SYNE1: variants seen among roughly 807,000 people sequenced by gnomAD.
The protein encoded by SYNE1 is spectrin repeat containing nuclear envelope protein 1, also known as nesprin-1.
SYNE1 carries 616 observed loss-of-function variants against 1,111.0 expected under a neutral mutation model. That is an observed-to-expected ratio of 0.55 (90% CI 0.52 to 0.59). The LOEUF is 0.59. Ranked by LOEUF, SYNE1 falls within the 20% of genes least tolerant of loss-of-function variation. The pLI, the probability that SYNE1 is intolerant of heterozygous loss-of-function variation, is 0.00. For synonymous variants in SYNE1, 3,855 were observed against 3,825.8 expected, an observed-to-expected ratio of 1.01 and a Z score of -0.28; for missense variants, 10,006 against 10,417.0, an observed-to-expected ratio of 0.96 and a Z score of 1.72.
chr6:152,462,815 T>C lies in SYNE1; in HGVS notation c.2173A>G (p.Thr725Ala). ...TCAGAAAGTTTCTTATGGGCTTCCG[T>C]TGCAAAAGCAGACAGGGTAACAACA... ...DCVVTLSAFATEAHKKLSEPL... is the reference protein window; with the variant it reads ...DCVVTLSAFAAEAHKKLSEPL... Residue 725 changes from threonine (T) to alanine (A), a missense_variant, in exon 20 of 146, where the codon ACG becomes GCG. By Grantham distance (58) the Thr-to-Ala change is moderately conservative. Transcript: ENST00000367255. 7 of 1,614,040 alleles carry C rather than the reference T, an allele frequency of 4.3e-6. No homozygotes were observed. The highest frequency in any genetic ancestry group is 5.1e-6 in the Non-Finnish European group (6 of 1,179,938).
chr6:152,234,811 T>C lies in SYNE1; in HGVS notation c.20397-11A>G, dbSNP rs758444560. ...GATTCACTTTGATATCTGTTAAGTA[T>C]ATTATGGAGTCCATTAAGTAAACAT... On this transcript the variant is annotated splice_polypyrimidine_tract_variant and intron_variant, in intron 110 of 145. Coordinates refer to ENST00000367255, the MANE Select transcript of SYNE1 (RefSeq NM_182961.4). The C allele has an allele frequency of 7.3e-5, 118 of 1,613,864 alleles. No homozygotes were observed. The highest frequency in any genetic ancestry group is 9.9e-5 in the Non-Finnish European group (117 of 1,179,888).
chr6:152,201,869 G>A lies in SYNE1; in HGVS notation c.23100C>T (p.Leu7700=), dbSNP rs1020807218. Residue 7700 remains leucine, a synonymous_variant, in exon 127 of 146, where the codon CTC becomes CTT. Transcript: ENST00000367255. The part of the protein sequence containing the change: ...RTFKKKLSQS[L]PDHHEELHAE... The stretch of plus-strand genomic sequence containing the variant: ...CATGGAGCTCTTCATGGTGATCCGG[G>A]AGAGACTGCGAAAGCTTCTTTTTGA... 13 of 1,613,808 alleles carry A rather than the reference G, an allele frequency of 8.1e-6. No homozygotes were observed. Among genetic ancestry groups the A allele is most frequent in the Non-Finnish European group, 1.1e-5 (13 of 1,179,840 alleles).
chr6:152,497,635 T>A (rs1231881395), intron 11 of SYNE1, among the ~76,000 whole-genome samples: 4 of 152,244 alleles, frequency 2.6e-5, no homozygotes, highest in African/African-American at 9.6e-5. Flanking sequence ...AAAAGGGTTA[T>A]GTTCTTAAAA....
At chr6:152,409,997 G>C (rs373287202) in intron 42 of SYNE1, among the ~76,000 whole-genome samples, 19 of 152,240 alleles carry the variant, frequency 1.2e-4, no homozygotes, top group South Asian at 1.0e-3. Flanking sequence ...ATATGTTCTT[G>C]CCAACTCAAA....
Position 152,369,398 on chromosome 6 carries a change from A to G in SYNE1, c.9651+73T>C, listed in dbSNP as rs553604654. ...ACAGTCTAACTCAAGGGTGCTGAGCATGCATCTGTAAGGTCGACAGAGGAC... is the reference window on the plus strand; with the variant it reads ...ACAGTCTAACTCAAGGGTGCTGAGCGTGCATCTGTAAGGTCGACAGAGGAC... On this transcript the variant is annotated intron_variant, in intron 60 of 145. Coordinates refer to ENST00000367255, the MANE Select transcript of SYNE1 (RefSeq NM_182961.4). 1.1e-4 allele frequency: 169 copies of G among 1,603,836 alleles called. 2 individuals carry two copies. In the South Asian group the frequency reaches 1.8e-3, roughly 17 times the overall value.
intron 3 of SYNE1, among the ~76,000 whole-genome samples, chr6:152,571,263 G>A (rs1002994833): frequency 6.6e-6 from 1 of 152,162 alleles, no homozygotes; most frequent in Non-Finnish European, 1.5e-5. Flanking sequence ...GCAAAGTACT[G>A]ATTACTAGGC....
At chr6:152,423,192 C>T (rs1469536121) in intron 39 of SYNE1, among the ~76,000 whole-genome samples, 2 of 152,202 alleles carry the variant, frequency 1.3e-5, no homozygotes, top group African/African-American at 4.8e-5. Flanking sequence ...CTTCCTTTCT[C>T]CCTCCAATAA....
At chr6:152,539,828 C>G in intron 4 of SYNE1, 132 bp downstream of exon 4, 1 of 1,046,630 alleles carries the variant, frequency 9.6e-7, no homozygotes, top group South Asian at 1.3e-5. Context: ...ACAGCTAGAC[C>G]AACCAATAAG....
chr6:152,373,146 G>A lies in SYNE1; in HGVS notation c.9398C>T (p.Thr3133Ile), dbSNP rs759477336. ...TTTCGCTTTCTCTTTGGTCAGCAGG[G>A]TACTCAGAAGTTCCCCTTTAGACAG... ...MMLSKGELLS[T>I]LLTKEKAKGI... Residue 3133 changes from threonine (T) to isoleucine (I), a missense_variant, in exon 59 of 146, where the codon ACC becomes ATC. Transcript: ENST00000367255. The A allele has an allele frequency of 1.9e-6, 3 of 1,613,846 alleles. No homozygotes were observed. The Admixed American group carries it at 5.0e-5, about 27-fold the overall frequency.
chr6:152,432,264 A>T (rs780946171), intron 34 of SYNE1, among the ~76,000 whole-genome samples: 2 of 152,188 alleles, frequency 1.3e-5, no homozygotes, highest in Non-Finnish European at 2.9e-5. Context: ...CATTACTTTT[A>T]ATCCTAAGAT....
intron 51 of SYNE1, among the ~76,000 whole-genome samples, chr6:152,394,916 G>A (rs1042808077): frequency 2.0e-5 from 3 of 151,282 alleles, no homozygotes; most frequent in Admixed American, 6.6e-5. Flanking sequence ...CCGGGTAGCT[G>A]GAATTACAGG....
Position 152,463,341 on chromosome 6 carries a change from T to C in SYNE1, c.2097+12A>G. ...ATACACGTTGAGGTGTATATAGACT[T>C]GAAAGACATACTTGCTTGACTTCCA... On this transcript the variant is annotated intron_variant, in intron 19 of 145. Transcript: ENST00000367255. 6.2e-7 allele frequency: 1 copy of C among 1,613,618 alleles called. No individual in the cohort carries two copies. Among genetic ancestry groups the C allele is most frequent in the African/African-American group, 1.3e-5 (1 of 75,012 alleles).
At chr6:152,432,536 T>C (rs1423445072) in intron 34 of SYNE1, among the ~76,000 whole-genome samples, 1 of 152,116 alleles carries the variant, frequency 6.6e-6, no homozygotes, top group Non-Finnish European at 1.5e-5. Flanking sequence ...GACAATTGAA[T>C]ATATATTTTA....
chr6:152,455,346 C>G, intron 24 of SYNE1, 80 bp downstream of exon 24: 1 of 1,486,774 alleles, frequency 6.7e-7, no homozygotes, highest in Non-Finnish European at 9.1e-7. Flanking sequence ...TGTATCAGAT[C>G]AGCATGCCTT....
chr6:152,150,409 T>C (rs933238087), intron 135 of SYNE1, among the ~76,000 whole-genome samples: 10 of 152,244 alleles, frequency 6.6e-5, no homozygotes, highest in African/African-American at 2.2e-4. Context: ...AAGATTCAAT[T>C]ACACTTGGCA....
chr6:152,208,344 G>T, intron 124 of SYNE1, 138 bp from the exon 125 acceptor site: 1 of 768,658 alleles, frequency 1.3e-6, no homozygotes, highest in Non-Finnish European at 2.2e-6. Context: ...ATCATGCCAT[G>T]ATCTCTTACT....
At chr6:152,418,712 G>A (rs971721642) in intron 40 of SYNE1, among the ~76,000 whole-genome samples, 2 of 152,156 alleles carry the variant, frequency 1.3e-5, no homozygotes, top group Non-Finnish European at 2.9e-5. Flanking sequence ...ACTAAGGAAA[G>A]TTCCTCCAGA....
chr6:152,598,177 C>T (rs990225210), intron 3 of SYNE1, among the ~76,000 whole-genome samples: 11 of 152,062 alleles, frequency 7.2e-5, no homozygotes, highest in East Asian at 5.8e-4. Context: ...AGGAGGGACC[C>T]GGTGGGAGGT....
intron 42 of SYNE1, among the ~76,000 whole-genome samples, chr6:152,411,223 A>G (rs544992528): frequency 2.4e-4 from 37 of 152,254 alleles, no homozygotes; most frequent in African/African-American, 8.7e-4. Flanking sequence ...AATTGACTGT[A>G]TATGTCTGGG....
Sources: gnomAD v4.1 joint callset for allele counts (sites outside exome capture counted in the v4.1 genomes callset) on GRCh38, gnomAD v4.1.1 for gene constraint, MANE v1.5 for transcripts, NCBI Gene and HGNC (gene_info 2026-07-23, HGNC 2026-07-21) for gene names.